The following CFAP92 variants were observed in gnomAD, a reference collection of about 807,000 sequenced individuals.
CFAP92 encodes uncharacterized protein CFAP92.
In CFAP92, 86 loss-of-function variants were observed where a neutral mutation model predicts 106.3. That is an observed-to-expected ratio of 0.81 (90% CI 0.68 to 0.97). The LOEUF (loss-of-function observed/expected upper bound fraction) is 0.97, where lower values mean the gene tolerates loss of function less well. Ranked by LOEUF, CFAP92 falls within the 50% of genes least tolerant of loss-of-function variation. The pLI, the probability that CFAP92 is intolerant of heterozygous loss-of-function variation, is 0.00. For synonymous variants in CFAP92, 477 were observed against 506.4 expected, an observed-to-expected ratio of 0.94 and a Z score of 0.78; for missense variants, 1,204 against 1,283.8, an observed-to-expected ratio of 0.94 and a Z score of 0.95.
chr3:129,026,391 G>C, the CFAP92 span, among the ~76,000 whole-genome samples: 1 of 151,958 alleles, frequency 6.6e-6, no homozygotes, highest in Non-Finnish European at 1.5e-5. Flanking sequence ...ATAGTGGAAA[G>C]ATTTCAATAT....
chr3:128,944,960 G>A, intron 10 of CFAP92, 111 bp downstream of exon 10: 1 of 933,032 alleles, frequency 1.1e-6, no homozygotes, highest in East Asian at 2.6e-5. Flanking sequence ...ACCCCGAAAG[G>A]AGACTCACAG....
chr3:128,999,466 G>A (rs1944607563), intron 1 of CFAP92, among the ~76,000 whole-genome samples: 1 of 152,036 alleles, frequency 6.6e-6, no homozygotes, highest in Non-Finnish European at 1.5e-5. Context: ...ATGGGGGGTG[G>A]GGAGGGTGTT....
chr3:128,916,533 C>T (rs1446916443), intron 12 of CFAP92, among the ~76,000 whole-genome samples: 2 of 152,204 alleles, frequency 1.3e-5, no homozygotes, highest in Admixed American at 6.5e-5. Flanking sequence ...CATCTGGCCA[C>T]TCATCTCCCA....
intron 9 of CFAP92, among the ~76,000 whole-genome samples, chr3:128,956,454 G>T (rs1941430135): frequency 6.6e-6 from 1 of 151,988 alleles, no homozygotes; most frequent in Non-Finnish European, 1.5e-5. Flanking sequence ...TAAGCCTATA[G>T]ATTCAAAGAG....
intron 9 of CFAP92, among the ~76,000 whole-genome samples, chr3:128,947,993 T>TA (rs1940400813): frequency 6.6e-6 from 1 of 152,120 alleles, no homozygotes; most frequent in Admixed American, 6.5e-5. Flanking sequence ...AAAAAATGTA[T>TA]AATTTGGACT....
Position 128,977,007 on chromosome 3 carries a change from G to A in CFAP92, c.868C>T (p.Leu290Phe). Residue 290 changes from leucine to phenylalanine, a missense_variant, in exon 6 of 16, where the codon CTC (leucine) becomes TTC (phenylalanine). Coordinates refer to ENST00000645291, the MANE Select transcript of CFAP92 (RefSeq NM_001394090.1). ...SKNSEEYEKSLKMDDSSTIQW... is the reference protein window; with the variant it reads ...SKNSEEYEKSFKMDDSSTIQW... ...ATCGTGGAAGAATCGTCCATTTTGA[G>A]GGACTTCTCATATTCCTCACTGTTC... is the stretch of plus-strand genomic sequence containing the variant. 2 of 1,613,818 alleles carry A rather than the reference G, an allele frequency of 1.2e-6. No individual in the cohort carries two copies. The highest frequency in any genetic ancestry group is 1.7e-6 in the Non-Finnish European group (2 of 1,179,806).
At chr3:128,960,526 G>A (rs1337437552) in intron 9 of CFAP92, among the ~76,000 whole-genome samples, 2 of 152,156 alleles carry the variant, frequency 1.3e-5, no homozygotes, top group South Asian at 4.1e-4. Flanking sequence ...TTCTGGTAGA[G>A]ACAAAAGAGA....
chr3:128,953,421 A>T (rs960215714), intron 9 of CFAP92, among the ~76,000 whole-genome samples: 3 of 151,914 alleles, frequency 2.0e-5, no homozygotes, highest in African/African-American at 2.4e-5. Context: ...AGGCTGAGGG[A>T]GGAGAATGGC....
intron 4 of CFAP92, among the ~76,000 whole-genome samples, chr3:128,981,005 G>A (rs547415259): frequency 6.6e-6 from 1 of 151,780 alleles, no homozygotes; most frequent in African/African-American, 2.4e-5. Context: ...AAGACATCTA[G>A]AATGGGGAAT....
intron 11 of CFAP92, among the ~76,000 whole-genome samples, chr3:128,933,482 G>A (rs1559867051): frequency 6.6e-6 from 1 of 152,186 alleles, no homozygotes; most frequent in Non-Finnish European, 1.5e-5. Context: ...CCTCTGCCAT[G>A]GCCTGGTGTG....
upstream of CFAP92, chr3:129,004,047 G>C (rs776280730): frequency 6.6e-7 from 1 of 1,510,612 alleles, no homozygotes; most frequent in South Asian, 1.2e-5. Flanking sequence ...CGCTGGGTGC[G>C]GCGGCTGGAG....
chr3:128,924,498 G>A (rs1362373478), intron 12 of CFAP92, among the ~76,000 whole-genome samples: 1 of 137,856 alleles, frequency 7.3e-6, no homozygotes, highest in Non-Finnish European at 1.5e-5. Flanking sequence ...AGGCTGGAGT[G>A]CAATGGCGCG....
intron 9 of CFAP92, among the ~76,000 whole-genome samples, chr3:128,965,082 T>G (rs999752357): frequency 3.3e-5 from 5 of 152,178 alleles, no homozygotes; most frequent in African/African-American, 9.7e-5. Context: ...CTGATGACAT[T>G]CCACCATTGT....
intron 1 of CFAP92, among the ~76,000 whole-genome samples, chr3:128,999,142 ACT>A (rs1489558185): frequency 2.6e-5 from 4 of 152,102 alleles, no homozygotes; most frequent in African/African-American, 9.7e-5. Flanking sequence ...CACAGCCCTG[ACT>A]CTCTCCCACA....
rs1937908705 is a variant in CFAP92, at chr3:128,928,146, G to C, written c.2751+4554C>G. On this transcript the variant is annotated intron_variant, in intron 12 of 15. Coordinates refer to ENST00000645291, the MANE Select transcript of CFAP92 (RefSeq NM_001394090.1). ...CGGGTATGTGTAGTCCCAGCTACTT[G>C]GGAGGCTGAGGCAGGAGAATGGCGT... Among the ~76,000 whole-genome samples, 4 of 151,916 alleles carry C rather than the reference G, an allele frequency of 2.6e-5. No individual in the cohort carries two copies. In the South Asian group the frequency reaches 8.4e-4, roughly 32 times the overall value.
At chr3:128,965,776 G>A (rs1419393040) in intron 8 of CFAP92, 81 bp from the exon 9 acceptor site, 2 of 395,120 alleles carry the variant, frequency 5.1e-6, no homozygotes, top group Admixed American at 4.5e-5. Flanking sequence ...AACCTGAGAT[G>A]AGCCAATGAT....
chr3:129,007,331 T>A (rs921897020), upstream of CFAP92, among the ~76,000 whole-genome samples: 2 of 152,188 alleles, frequency 1.3e-5, no homozygotes, highest in Non-Finnish European at 2.9e-5. Context: ...GAGGGCTGCA[T>A]TCTAGAGGAA....
chr3:129,005,277 T>C (rs1315412939), upstream of CFAP92, among the ~76,000 whole-genome samples: 2 of 152,112 alleles, frequency 1.3e-5, no homozygotes, highest in Non-Finnish European at 2.9e-5. Context: ...GAAGTGACAC[T>C]TGAGGATAGG....
At chr3:129,001,947 G>A in intron 1 of CFAP92, 1 of 1,543,858 alleles carries the variant, frequency 6.5e-7, no homozygotes, top group Non-Finnish European at 8.7e-7. Context: ...GAACTCCAGA[G>A]ATGTGACCCC....
Sources: gnomAD v4.1 joint callset for allele counts (sites outside exome capture counted in the v4.1 genomes callset) on GRCh38, gnomAD v4.1.1 for gene constraint, MANE v1.5 for transcripts, NCBI Gene and HGNC (gene_info 2026-07-23, HGNC 2026-07-21) for gene names.